Variants in SND1 observed in about 807,000 individuals in gnomAD.
SND1 encodes staphylococcal nuclease domain-containing protein 1.
A neutral mutation model predicts 121.7 loss-of-function variants in SND1; 38 were observed. That is an observed-to-expected ratio of 0.31 (90% CI 0.24 to 0.41). The LOEUF is 0.41. SND1 is among the 10% of genes least tolerant of loss of function. SND1 has a pLI of 1.00. For synonymous variants in SND1, 401 were observed against 447.4 expected, an observed-to-expected ratio of 0.90 and a Z score of 1.31; for missense variants, 868 against 1,184.6, an observed-to-expected ratio of 0.73 and a Z score of 3.92.
At chr7:127,822,033 ATTATT>A (rs1425389861) in intron 11 of SND1, among the ~76,000 whole-genome samples, 1 of 152,094 alleles carries the variant, frequency 6.6e-6, no homozygotes, top group Non-Finnish European at 1.5e-5. Flanking sequence ...TATTTTAATT[ATTATT>A]TTGAGTAGAT....
chr7:127,915,051 T>C (rs1800545073), intron 14 of SND1, among the ~76,000 whole-genome samples: 2 of 152,042 alleles, frequency 1.3e-5, no homozygotes, highest in African/African-American at 4.8e-5. Context: ...GGATCTCAGC[T>C]CTATTTCCCA....
intron 10 of SND1, among the ~76,000 whole-genome samples, chr7:127,772,749 A>G (rs1797537732): frequency 6.6e-6 from 1 of 152,142 alleles, no homozygotes; most frequent in Admixed American, 6.5e-5. Flanking sequence ...ATTTCCAGCT[A>G]CTATCTTGCA....
At chr7:128,091,150 T>C (rs1793772231) in intron 22 of SND1, among the ~76,000 whole-genome samples, 1 of 152,148 alleles carries the variant, frequency 6.6e-6, no homozygotes, top group Admixed American at 6.5e-5. Flanking sequence ...TATTAGAAGA[T>C]GATAACTGCA....
intron 12 of SND1, among the ~76,000 whole-genome samples, chr7:127,852,178 T>TAAAATAAATA (rs1554434990): frequency 2.9e-4 from 23 of 78,434 alleles, no homozygotes; most frequent in Middle Eastern, 0.012. Context: ...TAAAATAAAA[T>TAAAATAAATA]AAATAAAATA....
chr7:127,861,417 C>G (rs1799375872), intron 12 of SND1, among the ~76,000 whole-genome samples: 1 of 152,130 alleles, frequency 6.6e-6, no homozygotes, highest in Non-Finnish European at 1.5e-5. Context: ...GGCTGAGAAT[C>G]ATTGCTTTTG....
intron 13 of SND1, among the ~76,000 whole-genome samples, chr7:127,898,173 A>G (rs895513156): frequency 2.0e-5 from 3 of 152,032 alleles, no homozygotes; most frequent in African/African-American, 7.2e-5. Flanking sequence ...ACCCAGCACA[A>G]TAGCATGTAT....
At chr7:127,739,684 G>C (rs556510830) in intron 10 of SND1, among the ~76,000 whole-genome samples, 169 of 152,348 alleles carry the variant, frequency 1.1e-3, no homozygotes, top group African/African-American at 3.9e-3. Flanking sequence ...CCCAGGGACA[G>C]CCATGGAAGA....
chr7:128,029,381 C>G lies in SND1; in HGVS notation c.1779+38325C>G. ...CATTGGTCACCATGCATGTGTACAC[C>G]CCAGTGTCTGAAAGCAGCACGTGGG... is the stretch of plus-strand genomic sequence containing the variant. On this transcript the variant is annotated intron_variant, in intron 16 of 23. Transcript: ENST00000354725. The surrounding 1 kb of genome is among the most constrained non-coding windows in gnomAD (Gnocchi z 4.2). 1.2e-6 allele frequency: 2 copies of G among 1,614,116 alleles called. No homozygotes were observed. The highest frequency in any genetic ancestry group is 1.7e-6 in the Non-Finnish European group (2 of 1,180,038).
intron 14 of SND1, among the ~76,000 whole-genome samples, chr7:127,923,843 C>T (rs1800773015): frequency 6.6e-6 from 1 of 152,138 alleles, no homozygotes; most frequent in African/African-American, 2.4e-5. Context: ...AATGAGAGAG[C>T]ACATTTGCTT....
chr7:127,942,457 G>C (rs1379389767), intron 15 of SND1, among the ~76,000 whole-genome samples: 1 of 152,170 alleles, frequency 6.6e-6, no homozygotes, highest in African/African-American at 2.4e-5. Context: ...CACAGTCATA[G>C]ATCATGGATC....
chr7:128,090,832 A>G (rs1793767553), intron 22 of SND1, among the ~76,000 whole-genome samples: 1 of 152,132 alleles, frequency 6.6e-6, no homozygotes, highest in African/African-American at 2.4e-5. Flanking sequence ...CCCTCTGGAT[A>G]GACCCCCACT....
Position 128,082,099 on chromosome 7 carries a change from TC to T in SND1, c.2110+602del, listed in dbSNP as rs1404216021. 4 of 377,900 alleles carry T rather than the reference TC, an allele frequency of 1.1e-5. 1 individual carries two copies. Among genetic ancestry groups the T allele is most frequent in the Non-Finnish European group, 2.2e-5 (4 of 183,348 alleles). The allele number at this position is 377,900 out of a possible 1,614,324, so 23.4% of individuals were successfully genotyped here. On this transcript the variant is annotated intron_variant, in intron 18 of 23. Coordinates refer to ENST00000354725, the MANE Select transcript of SND1 (RefSeq NM_014390.4). ...TGAGTGGTGTGCACTGTGGCCAGGG[TC>T]CCCTGGGCAGAGACCTGGGGTTTCT... is the stretch of plus-strand genomic sequence containing the variant.
intron 16 of SND1, among the ~76,000 whole-genome samples, chr7:128,003,012 A>G (rs1202283293): frequency 1.3e-5 from 2 of 152,240 alleles, no homozygotes; most frequent in South Asian, 2.1e-4. Flanking sequence ...ACATGAGGCC[A>G]GGATTTCAAG....
chr7:127,817,044 A>G (rs960090285), intron 11 of SND1, among the ~76,000 whole-genome samples: 23 of 152,290 alleles, frequency 1.5e-4, no homozygotes, highest in Non-Finnish European at 3.1e-4. Context: ...CTATTTTTAT[A>G]GTACTAATAT....
intron 10 of SND1, among the ~76,000 whole-genome samples, chr7:127,797,322 AT>A (rs929753723): frequency 1.3e-5 from 2 of 152,142 alleles, no homozygotes; most frequent in African/African-American, 4.8e-5. Flanking sequence ...ACTCTTGGCC[AT>A]TTGTTTGCCA....
chr7:127,734,468 A>G (rs1587628264), intron 10 of SND1, among the ~76,000 whole-genome samples: 1 of 152,220 alleles, frequency 6.6e-6, no homozygotes, highest in Non-Finnish European at 1.5e-5. Flanking sequence ...GTCACACCTC[A>G]TGTGCAATTA....
intron 15 of SND1, among the ~76,000 whole-genome samples, chr7:127,986,294 A>C (rs531446484): frequency 3.0e-4 from 45 of 152,180 alleles, no homozygotes; most frequent in Middle Eastern, 6.8e-3. Context: ...TAAATGTATA[A>C]TTTTTTTAAT....
At position 127,890,171 on chromosome 7, in the gene SND1, C is replaced by T. The variant is rs189251183; in HGVS notation, c.1454+2159C>T. Among the ~76,000 whole-genome samples, 603 of 152,170 alleles carry T rather than the reference C, an allele frequency of 4.0e-3. 2 individuals are homozygous for T. The highest frequency in any genetic ancestry group is 6.5e-3 in the Admixed American group (100 of 15,284). On this transcript the variant is annotated intron_variant, in intron 13 of 23. Transcript: ENST00000354725. ...CAGTGTACGAGGGCTCCCTTTTCTC[C>T]ACATCCTTGCCAGAATTTATTGCCT... is the stretch of plus-strand genomic sequence containing the variant.
chr7:127,883,530 G>A (rs1799836436), intron 12 of SND1, among the ~76,000 whole-genome samples: 1 of 152,102 alleles, frequency 6.6e-6, no homozygotes, highest in African/African-American at 2.4e-5. Context: ...AACTATTTAA[G>A]AGCAACTGGC....
Sources: allele counts gnomAD v4.1 joint callset (sites outside exome capture counted in the v4.1 genomes callset), GRCh38; gene constraint gnomAD v4.1.1; non-coding constraint Gnocchi (gnomAD v3.1); transcripts MANE v1.5; gene names NCBI Gene and HGNC (gene_info 2026-07-23, HGNC 2026-07-21).